Variants in DAB1 observed in about 807,000 individuals in gnomAD.
DAB1 encodes the protein DAB adaptor protein 1, also known as disabled homolog 1.
In DAB1, 15 loss-of-function variants were observed where a neutral mutation model predicts 64.6. That is an observed-to-expected ratio of 0.23 (90% CI 0.16 to 0.36). The LOEUF is 0.36. DAB1 is among the 10% of genes least tolerant of loss of function. The pLI, the probability that DAB1 is intolerant of heterozygous loss-of-function variation, is 1.00. For synonymous variants in DAB1, 235 were observed against 251.9 expected, an observed-to-expected ratio of 0.93 and a Z score of 0.64; for missense variants, 596 against 706.7, an observed-to-expected ratio of 0.84 and a Z score of 1.78.
chr1:57,176,972 TAA>T (rs11333170), intron 2 of DAB1, among the ~76,000 whole-genome samples: 35 of 73,998 alleles, frequency 4.7e-4, no homozygotes, highest in Admixed American at 1.2e-3. Flanking sequence ...GCAGCAGATA[TAA>T]AAAAAAAAAA....
In DAB1 at chr1:57,787,692, G is replaced by A. The variant is rs181944747; in HGVS notation, n.551+96307C>T. 2.2e-3 allele frequency among the ~76,000 whole-genome samples: 332 copies of A among 151,978 alleles called. 2 individuals carry two copies. Among genetic ancestry groups the A allele is most frequent in the African/African-American group, 7.0e-3 (290 of 41,502 alleles). On this transcript the variant is annotated intron_variant and non_coding_transcript_variant, in intron 6 of 20. Transcript: ENST00000485760. ...GAATTTCACTAAAATTAAAATCTTCGGCTTTTCAAAAGAAACTATTAAGAA... is the reference window on the plus strand; with the variant it reads ...GAATTTCACTAAAATTAAAATCTTCAGCTTTTCAAAAGAAACTATTAAGAA...
chr1:57,165,208 C>T (rs535544819), intron 2 of DAB1, among the ~76,000 whole-genome samples: 1 of 152,210 alleles, frequency 6.6e-6, no homozygotes, highest in East Asian at 1.9e-4. Flanking sequence ...ATCTCCTAAA[C>T]AACTTTTTTT....
intron 1 of DAB1, among the ~76,000 whole-genome samples, chr1:57,381,338 C>A (rs1043997282): frequency 6.6e-6 from 1 of 152,214 alleles, no homozygotes; most frequent in Non-Finnish European, 1.5e-5. Flanking sequence ...GGGTAATCAA[C>A]TCAAGCTTCT....
At chr1:57,967,350 G>C (rs945367188) in intron 5 of DAB1, among the ~76,000 whole-genome samples, 1 of 152,150 alleles carries the variant, frequency 6.6e-6, no homozygotes, top group Non-Finnish European at 1.5e-5. Context: ...CAGATGACCC[G>C]TAATGCTCAC....
intron 2 of DAB1, among the ~76,000 whole-genome samples, chr1:57,250,751 T>C (rs938133032): frequency 1.3e-5 from 2 of 152,340 alleles, no homozygotes; most frequent in East Asian, 1.9e-4. Flanking sequence ...TTAGTAAATA[T>C]AATTTTTTAA....
At chr1:58,267,215 A>G (rs1661190788) in intron 4 of DAB1, among the ~76,000 whole-genome samples, 1 of 152,208 alleles carries the variant, frequency 6.6e-6, no homozygotes, top group Non-Finnish European at 1.5e-5. Context: ...GCTAGACTCC[A>G]TCTCAAAAAA....
intron 5 of DAB1, among the ~76,000 whole-genome samples, chr1:57,997,782 G>T (rs191851522): frequency 6.6e-6 from 1 of 152,066 alleles, no homozygotes; most frequent in African/African-American, 2.4e-5. Flanking sequence ...TTAGTTTCCA[G>T]ATAACAACCT....
At chr1:57,103,560 G>C (rs1000909401) in intron 4 of DAB1, among the ~76,000 whole-genome samples, 17 of 152,154 alleles carry the variant, frequency 1.1e-4, no homozygotes. Context: ...TAGGAGTGTG[G>C]GGAAAGGAGG....
At chr1:57,625,582 T>C (rs956468998) in intron 7 of DAB1, among the ~76,000 whole-genome samples, 2 of 152,120 alleles carry the variant, frequency 1.3e-5, no homozygotes, top group Non-Finnish European at 2.9e-5. Context: ...GGAAGTTAAA[T>C]AGAAGATGAA....
At chr1:57,245,917 G>A (rs1335329601) in intron 2 of DAB1, among the ~76,000 whole-genome samples, 2 of 152,156 alleles carry the variant, frequency 1.3e-5, no homozygotes, top group African/African-American at 4.8e-5. Context: ...TTTCTAAACA[G>A]CAAAGCATTC....
chr1:58,300,354 T>A (rs1662092679), intron 4 of DAB1, among the ~76,000 whole-genome samples: 1 of 151,872 alleles, frequency 6.6e-6, no homozygotes, highest in South Asian at 2.1e-4. Flanking sequence ...GAGATCAGCC[T>A]GGCCAACATG....
rs994480885 is a variant in DAB1, at chr1:57,080,758, A to G, written c.307-8344T>C. On this transcript the variant is annotated intron_variant, in intron 4 of 14. Coordinates refer to ENST00000371236, the MANE Select transcript of DAB1 (RefSeq NM_001365792.1). ...ACAACACACACACACACACACACGC[A>G]CACACACACACACACACCTTAAATA... 4.3e-4 allele frequency among the ~76,000 whole-genome samples: 64 copies of G among 149,140 alleles called. 1 individual carries two copies. The East Asian group carries it at 9.7e-3, about 23-fold the overall frequency.
chr1:57,526,741 A>G (rs1357787), intron 7 of DAB1, among the ~76,000 whole-genome samples: 106,504 of 152,052 alleles, frequency 0.7, 37,519 homozygotes, highest in South Asian at 0.79. Context: ...GTGAATGTTC[A>G]GACATTTGCC....
rs1044456522 is a variant in DAB1, at chr1:58,036,627, C to T, written n.387+113884G>A. On this transcript the variant is annotated intron_variant and non_coding_transcript_variant, in intron 5 of 20. Coordinates refer to the DAB1 transcript ENST00000485760. ...CTGCAGCCTTCTACTAATTTTTTTTCGAGAGTCTGTGGTAGTAAAGCCCAG... is the reference window on the plus strand; with the variant it reads ...CTGCAGCCTTCTACTAATTTTTTTTTGAGAGTCTGTGGTAGTAAAGCCCAG... Among the ~76,000 whole-genome samples the T allele has an allele frequency of 7.9e-5, 12 of 152,026 alleles. 2 individuals carry two copies. The highest frequency in any genetic ancestry group is 6.5e-5 in the Admixed American group (1 of 15,292).
chr1:57,646,989 A>G (rs551880622), intron 7 of DAB1, among the ~76,000 whole-genome samples: 2 of 152,234 alleles, frequency 1.3e-5, no homozygotes, highest in African/African-American at 2.4e-5. Context: ...TGTCTGCTCT[A>G]TATGATTATA....
chr1:58,268,595 T>C (rs958884918), intron 4 of DAB1, among the ~76,000 whole-genome samples: 3 of 152,174 alleles, frequency 2.0e-5, no homozygotes, highest in Admixed American at 1.3e-4. Flanking sequence ...CCCTGATTGC[T>C]GGTCCAAAAG....
Position 57,101,862 on chromosome 1 carries a change from G to A in DAB1, c.307-29448C>T, listed in dbSNP as rs1193805653. ...CAGGCAGTATGACTCTCTGAGATAG[G>A]CATTATTACTAGCAATTTATTTAGT... On this transcript the variant is annotated intron_variant, in intron 4 of 14. Coordinates refer to ENST00000371236, the MANE Select transcript of DAB1 (RefSeq NM_001365792.1). 2.0e-5 allele frequency among the ~76,000 whole-genome samples: 3 copies of A among 152,140 alleles called. No individual in the cohort carries two copies. The East Asian group carries it at 5.8e-4, about 29-fold the overall frequency.
chr1:57,538,650 C>T (rs559995016), intron 7 of DAB1, among the ~76,000 whole-genome samples: 2 of 152,280 alleles, frequency 1.3e-5, no homozygotes, highest in East Asian at 3.9e-4. Context: ...CACATGAGAA[C>T]AGAGAGCAGG....
At chr1:57,141,181 C>T (rs1306683010) in intron 3 of DAB1, among the ~76,000 whole-genome samples, 3 of 152,088 alleles carry the variant, frequency 2.0e-5, no homozygotes, top group Non-Finnish European at 4.4e-5. Context: ...TTCTAAGTTT[C>T]ATTTTTCCCA....
Sources: gnomAD v4.1 joint callset for allele counts (sites outside exome capture counted in the v4.1 genomes callset) on GRCh38, gnomAD v4.1.1 for gene constraint, MANE v1.5 for transcripts, NCBI Gene and HGNC (gene_info 2026-07-23, HGNC 2026-07-21) for gene names.